ARL6IP1: variants seen among roughly 807,000 people sequenced by gnomAD.
The protein encoded by ARL6IP1 is ARL6 interacting reticulophagy regulator 1, also known as ADP-ribosylation factor-like protein 6-interacting protein 1.
A neutral mutation model predicts 30.1 loss-of-function variants in ARL6IP1; 16 were observed. That is an observed-to-expected ratio of 0.53 (90% CI 0.36 to 0.81). The LOEUF (loss-of-function observed/expected upper bound fraction) is 0.81, where lower values mean the gene tolerates loss of function less well. Among genes scored for constraint, ARL6IP1 ranks in the 30% least tolerant of loss-of-function variants. The pLI, the probability that ARL6IP1 is intolerant of heterozygous loss-of-function variation, is 0.01. For missense variants in ARL6IP1, 173 were observed against 242.7 expected (o/e 0.71, Z 1.91); for synonymous variants, 72 against 84.8 (o/e 0.85, Z 0.83).
In ARL6IP1 at chr16:18,795,983, C is replaced by T. The variant is rs575168926; in HGVS notation, c.291-402G>A. 6.6e-5 allele frequency among the ~76,000 whole-genome samples: 10 copies of T among 152,264 alleles called. 1 individual carries two copies. In the South Asian group the frequency reaches 1.2e-3, roughly 19 times the overall value. On this transcript the variant is annotated intron_variant, in intron 3 of 5. Coordinates refer to ENST00000304414, the MANE Select transcript of ARL6IP1 (RefSeq NM_015161.3). ...TGCACTATACCTACCAGAATCCCAC[C>T]GAACAACTGTATTTGAACACTCCTT...
At position 18,793,086 on chromosome 16, in the gene ARL6IP1, CTA is replaced by C. The variant is rs2030110831; in HGVS notation, c.*164_*165del. 4 of 546,318 alleles carry C rather than the reference CTA, an allele frequency of 7.3e-6. No homozygotes were observed. The highest frequency in any genetic ancestry group is 1.3e-5 in the Non-Finnish European group (4 of 307,686). The allele number at this position is 546,318 out of a possible 1,614,324, so 33.8% of individuals were successfully genotyped here. A position where few individuals can be genotyped will look rare whatever the true frequency, so the allele number is the denominator to read the frequency against. ...CTCAACTATACGCGACATGAAGACA[CTA>C]TGCACGAAGCCTTACTTGGCGAGTC... is the stretch of plus-strand genomic sequence containing the variant. On this transcript the variant is annotated 3_prime_UTR_variant, in exon 6 of 6. Transcript: ENST00000304414.
At chr16:18,797,369 G>A (rs1426025937) in intron 3 of ARL6IP1, among the ~76,000 whole-genome samples, 42 of 143,860 alleles carry the variant, frequency 2.9e-4, no homozygotes, top group African/African-American at 5.7e-4. Flanking sequence ...GCAACAGAGC[G>A]AGCCTCCATC....
chr16:18,798,668 G>A, intron 2 of ARL6IP1, 33 bp downstream of exon 2: 1 of 1,602,612 alleles, frequency 6.2e-7, no homozygotes. Context: ...TTAATAAGAA[G>A]CACAACCCAT....
chr16:18,801,086 TG>T, intron 1 of ARL6IP1: 1 of 891,630 alleles, frequency 1.1e-6, no homozygotes, highest in Non-Finnish European at 1.5e-6. Context: ...CGAATACGGC[TG>T]GGGCCTGAGC....
intron 3 of ARL6IP1, among the ~76,000 whole-genome samples, chr16:18,796,140 A>G (rs1473058710): frequency 6.6e-6 from 1 of 152,244 alleles, no homozygotes; most frequent in Non-Finnish European, 1.5e-5. Flanking sequence ...GAGGGAAAAT[A>G]TAATCAACAA....
intron 1 of ARL6IP1, among the ~76,000 whole-genome samples, chr16:18,799,141 TCCTGAGTAGTTG>T (rs1208069345): frequency 1.3e-5 from 2 of 152,090 alleles, no homozygotes; most frequent in African/African-American, 4.8e-5. Context: ...TACCTCATAC[TCCTGAGTAGTTG>T]GGACTATAGG....
chr16:18,793,437 T>G (rs1477220393), intron 5 of ARL6IP1, 67 bp from the exon 6 acceptor site: 6 of 945,806 alleles, frequency 6.3e-6, no homozygotes, highest in Non-Finnish European at 9.4e-6. Flanking sequence ...ATTACTTTTT[T>G]TTTTTTTTTT....
At chr16:18,798,541 A>G (rs767625994) in intron 2 of ARL6IP1, 160 bp downstream of exon 2, 70 of 774,726 alleles carry the variant, frequency 9.0e-5, no homozygotes, top group Non-Finnish European at 1.3e-4. Context: ...AGTACTACAA[A>G]TTCTGGAAAC....
At chr16:18,799,925 G>A (rs1244605116) in intron 1 of ARL6IP1, among the ~76,000 whole-genome samples, 1 of 152,180 alleles carries the variant, frequency 6.6e-6, no homozygotes, top group African/African-American at 2.4e-5. Flanking sequence ...TATGTTATCA[G>A]GCTGGATGCA....
At position 18,793,377 on chromosome 16, in the gene ARL6IP1, A is replaced by AT. The variant is rs1316623836; in HGVS notation, c.494-8dup. The AT allele has an allele frequency of 1.9e-6, 3 of 1,545,296 alleles. No individual in the cohort carries two copies. The highest frequency in any genetic ancestry group is 1.2e-5 in the South Asian group (1 of 84,420). ...AGCAATAGTAAGGAAGTCACTTAAA[A>AT]TAAAAAAAAACCCAACATTAAGGAG... On this transcript the variant is annotated splice_region_variant and splice_polypyrimidine_tract_variant and intron_variant, in intron 5 of 5. Coordinates refer to ENST00000304414, the MANE Select transcript of ARL6IP1 (RefSeq NM_015161.3).
intron 4 of ARL6IP1, 69 bp from the exon 5 acceptor site, chr16:18,794,752 T>C: frequency 8.8e-7 from 1 of 1,131,160 alleles, no homozygotes; most frequent in Non-Finnish European, 1.3e-6. Flanking sequence ...AATTTTTATT[T>C]GTCAATTAAA....
At chr16:18,798,151 T>C (rs963217285) in intron 2 of ARL6IP1, 107 bp from the exon 3 acceptor site, 1 of 1,140,962 alleles carries the variant, frequency 8.8e-7, no homozygotes, top group African/African-American at 1.6e-5. Flanking sequence ...CTCAGAGATA[T>C]TTGCCATTTT....
Position 18,792,404 on chromosome 16 carries a change from T to C in ARL6IP1, c.*848A>G, listed in dbSNP as rs768625965. The stretch of plus-strand genomic sequence containing the variant: ...ATATTGACTAAACATAGAAGACTGC[T>C]GTCCTTTTGCCAGTCTTAGAGTGAA... On this transcript the variant is annotated 3_prime_UTR_variant, in exon 6 of 6. Coordinates refer to ENST00000304414, the MANE Select transcript of ARL6IP1 (RefSeq NM_015161.3). 33 of 152,236 alleles carry C rather than the reference T, an allele frequency of 2.2e-4. No homozygotes were observed. Among genetic ancestry groups the C allele is most frequent in the Admixed American group, 1.5e-3 (23 of 15,292 alleles). The allele number at this position is 152,236 out of a possible 1,614,324, so 9.4% of individuals were successfully genotyped here.
At chr16:18,795,682 A>C in intron 3 of ARL6IP1, 101 bp from the exon 4 acceptor site, 2 of 779,130 alleles carry the variant, frequency 2.6e-6, no homozygotes. Context: ...GAAAATAAAA[A>C]TAAAAACAAT....
intron 2 of ARL6IP1, chr16:18,798,446 CA>C (rs1459879874): frequency 7.3e-6 from 3 of 409,084 alleles, no homozygotes; most frequent in Non-Finnish European, 8.5e-6. Context: ...AGTATAATAA[CA>C]AAAAAAGAGT....
chr16:18,798,641 A>G, intron 2 of ARL6IP1, 60 bp downstream of exon 2: 1 of 1,550,818 alleles, frequency 6.4e-7, no homozygotes, highest in Admixed American at 1.9e-5. Context: ...CAGAAGCTAT[A>G]TATTAAAAAG....
chr16:18,794,588 CAA>C lies in ARL6IP1; in HGVS notation c.493+9_493+10del, dbSNP rs2030172693. Reference sequence around the variant, plus strand: ...CCAGGATGTGCCTGTAGTTTTTCCTCAAAGACTTACCTATCAGGTAGGTGAGA... The same window carrying C: ...CCAGGATGTGCCTGTAGTTTTTCCTCAGACTTACCTATCAGGTAGGTGAGA... On this transcript the variant is annotated intron_variant, in intron 5 of 5. Coordinates refer to ENST00000304414, the MANE Select transcript of ARL6IP1 (RefSeq NM_015161.3). 6.2e-7 allele frequency: 1 copy of C among 1,609,914 alleles called. No homozygotes were observed. Among genetic ancestry groups the C allele is most frequent in the Admixed American group, 1.7e-5 (1 of 59,810 alleles).
intron 3 of ARL6IP1, among the ~76,000 whole-genome samples, chr16:18,796,901 G>GGT (rs1567291981): frequency 6.6e-6 from 1 of 152,170 alleles, no homozygotes; most frequent in Non-Finnish European, 1.5e-5. Flanking sequence ...AAAGGCACAA[G>GGT]TAGAATACTA....
chr16:18,795,805 G>A (rs1351994756), intron 3 of ARL6IP1, among the ~76,000 whole-genome samples: 2 of 152,162 alleles, frequency 1.3e-5, no homozygotes, highest in Admixed American at 1.3e-4. Context: ...GAGTGTGTGT[G>A]TGTGTGCGTG....
Sources: allele counts gnomAD v4.1 joint callset (sites outside exome capture counted in the v4.1 genomes callset), GRCh38; gene constraint gnomAD v4.1.1; transcripts MANE v1.5; gene names NCBI Gene and HGNC (gene_info 2026-07-23, HGNC 2026-07-21).